CNR2: variants seen among roughly 807,000 people sequenced by gnomAD.
CNR2 encodes the protein cannabinoid receptor 2.
For missense variants in CNR2, 379 were observed against 439.9 expected (o/e 0.86, Z 1.24); for synonymous variants, 172 against 182.2 (o/e 0.94, Z 0.45).
At chr1:23,885,502 A>G (rs551381269) in intron 1 of CNR2, among the ~76,000 whole-genome samples, 1 of 152,114 alleles carries the variant, frequency 6.6e-6, no homozygotes, top group East Asian at 1.9e-4. Flanking sequence ...GGAAGTGTTC[A>G]TTGTTGCCAC....
chr1:23,878,318 T>C (rs141357707), intron 1 of CNR2, among the ~76,000 whole-genome samples: 256 of 152,242 alleles, frequency 1.7e-3, no homozygotes, highest in Non-Finnish European at 2.9e-3. Context: ...TGAGCCATGA[T>C]CATGCCATTG....
At chr1:23,903,994 CTAA>C in intron 1 of CNR2, among the ~76,000 whole-genome samples, 1 of 152,254 alleles carries the variant, frequency 6.6e-6, no homozygotes, top group Admixed American at 6.5e-5. Context: ...GGACTTCTCT[CTAA>C]TCTTTCTGGG....
At chr1:23,891,376 T>G (rs1277312854) in intron 1 of CNR2, among the ~76,000 whole-genome samples, 1 of 151,684 alleles carries the variant, frequency 6.6e-6, no homozygotes, top group Non-Finnish European at 1.5e-5. Context: ...CCCAGCACTT[T>G]GGGAGGCTAA....
chr1:23,872,209 A>G lies in CNR2; in HGVS notation c.*2326T>C, dbSNP rs1217365927. On this transcript the variant is annotated 3_prime_UTR_variant, in exon 2 of 2. Coordinates refer to ENST00000374472, the MANE Select transcript of CNR2 (RefSeq NM_001841.3). ...ATATGAAGACAGAGTCAGAGGTAGG[A>G]GTGATGTTTCCACAAGCCAAGGAAT... 6.7e-6 allele frequency: 1 copy of G among 149,082 alleles called. No individual in the cohort carries two copies. The highest frequency in any genetic ancestry group is 2.5e-5 in the African/African-American group (1 of 40,586). 9.2% of individuals were successfully genotyped at this position (149,082 alleles called of 1,614,324 possible).
chr1:23,905,068 G>A (rs1354332471), intron 1 of CNR2, among the ~76,000 whole-genome samples: 1 of 152,158 alleles, frequency 6.6e-6, no homozygotes, highest in Non-Finnish European at 1.5e-5. Context: ...AGCCATGGAG[G>A]CTCAGCTCTT....
chr1:23,908,998 C>T (rs1640542817), intron 1 of CNR2, among the ~76,000 whole-genome samples: 1 of 152,030 alleles, frequency 6.6e-6, no homozygotes, highest in African/African-American at 2.4e-5. Flanking sequence ...TCAGAGACCT[C>T]CTCTCTGGGC....
intron 1 of CNR2, chr1:23,901,560 C>A: frequency 2.5e-6 from 4 of 1,613,144 alleles, no homozygotes; most frequent in Non-Finnish European, 2.5e-6. Context: ...TGGAAGGCCA[C>A]CTTTCTGCAC....
chr1:23,881,983 G>A (rs1464358852), intron 1 of CNR2, among the ~76,000 whole-genome samples: 1 of 150,960 alleles, frequency 6.6e-6, no homozygotes, highest in Non-Finnish European at 1.5e-5. Flanking sequence ...GTGCAGTGGA[G>A]CAGTCTTGGC....
rs4648917 is a variant in CNR2, at chr1:23,885,655, G to C, written c.-45-9993C>G. 6.0e-5 allele frequency among the ~76,000 whole-genome samples: 9 copies of C among 150,644 alleles called. 1 individual carries two copies. Among genetic ancestry groups the C allele is most frequent in the Non-Finnish European group, 1.3e-4 (9 of 67,620 alleles). On this transcript the variant is annotated intron_variant, in intron 1 of 1. Transcript: ENST00000374472. ...AGCACTCTGGGAGGCTGAAGCAGGT[G>C]GATCACGAGATCAGGAGTTTGAGAC...
At chr1:23,881,761 C>T (rs935791516) in intron 1 of CNR2, among the ~76,000 whole-genome samples, 3 of 151,046 alleles carry the variant, frequency 2.0e-5, no homozygotes, top group African/African-American at 7.3e-5. Context: ...ATGGTGGTGC[C>T]TGCCTGTGAT....
At chr1:23,903,138 C>T (rs1283602378) in intron 1 of CNR2, among the ~76,000 whole-genome samples, 1 of 152,180 alleles carries the variant, frequency 6.6e-6, no homozygotes, top group Non-Finnish European at 1.5e-5. Context: ...CCTACCACCC[C>T]CGCCCCTGCG....
chr1:23,886,391 C>G (rs548886999), intron 1 of CNR2, among the ~76,000 whole-genome samples: 1 of 152,154 alleles, frequency 6.6e-6, no homozygotes, highest in Non-Finnish European at 1.5e-5. Context: ...TTCTATCTGT[C>G]GAAAGGGAAG....
At chr1:23,881,459 G>C (rs1639987164) in intron 1 of CNR2, among the ~76,000 whole-genome samples, 1 of 151,396 alleles carries the variant, frequency 6.6e-6, no homozygotes, top group Admixed American at 6.6e-5. Context: ...CAGGCCTGGT[G>C]GTGCACACCT....
At chr1:23,875,770 T>C (rs1168374710) in intron 1 of CNR2, 108 bp from the exon 2 acceptor site, 2 of 890,174 alleles carry the variant, frequency 2.2e-6, no homozygotes, top group Non-Finnish European at 3.3e-6. Flanking sequence ...ATGGATTCTA[T>C]GTGGGAAAAT....
At chr1:23,890,879 T>C (rs1451449822) in intron 1 of CNR2, among the ~76,000 whole-genome samples, 1 of 134,514 alleles carries the variant, frequency 7.4e-6, no homozygotes, top group Non-Finnish European at 1.6e-5. Flanking sequence ...GGTCTTCTTC[T>C]TCTTTTTTTT....
rs1181176774 is a variant in CNR2, at chr1:23,872,946, CA to C, written c.*1588del. 6.6e-6 allele frequency: 1 copy of C among 152,212 alleles called. No individual in the cohort carries two copies. Among genetic ancestry groups the C allele is most frequent in the African/African-American group, 2.4e-5 (1 of 41,450 alleles). 9.4% of individuals were successfully genotyped at this position (152,212 alleles called of 1,614,324 possible). A position where few individuals can be genotyped will look rare whatever the true frequency, so the allele number is the denominator to read the frequency against. ...GATATAGACTGTAAGCCCCATGAGA[CA>C]GGGGCACAGTCTCATTTATGGCTGG... On this transcript the variant is annotated 3_prime_UTR_variant, in exon 2 of 2. Coordinates refer to ENST00000374472, the MANE Select transcript of CNR2 (RefSeq NM_001841.3).
intron 1 of CNR2, among the ~76,000 whole-genome samples, chr1:23,889,128 C>G (rs2501389): frequency 0.85 from 128,599 of 152,014 alleles, 54,501 homozygotes; most frequent in Admixed American, 0.86. Context: ...CTGCAGCCTA[C>G]AGCCTGGTTC....
chr1:23,888,700 G>T (rs1039994503), intron 1 of CNR2, among the ~76,000 whole-genome samples: 3 of 152,204 alleles, frequency 2.0e-5, no homozygotes, highest in Admixed American at 2.0e-4. Flanking sequence ...GCCAGGCGCG[G>T]TGGCTCACGC....
intron 1 of CNR2, chr1:23,901,707 C>T: frequency 1.4e-6 from 2 of 1,419,188 alleles, no homozygotes; most frequent in South Asian, 2.3e-5. Flanking sequence ...CTGGATCTGT[C>T]CGACATGAAT....
Sources: allele counts gnomAD v4.1 joint callset (sites outside exome capture counted in the v4.1 genomes callset), GRCh38; gene constraint gnomAD v4.1.1; transcripts MANE v1.5; gene names NCBI Gene and HGNC (gene_info 2026-07-23, HGNC 2026-07-21).